The following HHAT variants were observed in gnomAD, a reference collection of about 807,000 sequenced individuals.
The protein encoded by HHAT is hedgehog acyltransferase.
HHAT carries 47 observed loss-of-function variants against 70.8 expected under a neutral mutation model. That is an observed-to-expected ratio of 0.66 (90% confidence interval 0.53 to 0.85). The LOEUF (loss-of-function observed/expected upper bound fraction) is 0.85, where lower values mean the gene tolerates loss of function less well. HHAT is among the 40% of genes least tolerant of loss of function. The pLI, the probability that HHAT is intolerant of heterozygous loss-of-function variation, is 0.00. For synonymous variants in HHAT, 228 were observed against 247.6 expected, an observed-to-expected ratio of 0.92 and a Z score of 0.74; for missense variants, 609 against 604.8, an observed-to-expected ratio of 1.01 and a Z score of -0.07.
intron 10 of HHAT, among the ~76,000 whole-genome samples, chr1:210,612,035 A>G (rs963611528): frequency 1.3e-5 from 2 of 151,938 alleles, no homozygotes; most frequent in Non-Finnish European, 2.9e-5. Flanking sequence ...AGCTTCTTAG[A>G]ATGTATTTAG....
chr1:210,671,042 G>A (rs1486511598), intron 11 of HHAT, among the ~76,000 whole-genome samples: 1 of 152,106 alleles, frequency 6.6e-6, no homozygotes, highest in Non-Finnish European at 1.5e-5. Context: ...CTCACCTCTG[G>A]GCAGTCTTGG....
intron 10 of HHAT, among the ~76,000 whole-genome samples, chr1:210,614,873 C>A (rs768591232): frequency 2.0e-5 from 3 of 152,148 alleles, no homozygotes; most frequent in African/African-American, 7.2e-5. Context: ...AATAAACATA[C>A]GTGTGCATGT....
intron 7 of HHAT, among the ~76,000 whole-genome samples, chr1:210,447,163 T>C (rs368166825): frequency 5.9e-5 from 9 of 152,312 alleles, no homozygotes; most frequent in East Asian, 5.8e-4. Context: ...CCACTTATCA[T>C]CTCTGAATCT....
chr1:210,674,024 A>G (rs1680719806), intron 11 of HHAT, among the ~76,000 whole-genome samples: 1 of 149,976 alleles, frequency 6.7e-6, no homozygotes, highest in African/African-American at 2.5e-5. Flanking sequence ...TTAGTTACAT[A>G]TGTATACATG....
chr1:210,457,961 A>G (rs533965357), intron 7 of HHAT, among the ~76,000 whole-genome samples: 4 of 152,322 alleles, frequency 2.6e-5, no homozygotes, highest in African/African-American at 9.6e-5. Context: ...AAAGACCTGT[A>G]AGGTAATGAG....
chr1:210,636,913 G>C (rs773994741), intron 11 of HHAT, among the ~76,000 whole-genome samples: 3 of 152,198 alleles, frequency 2.0e-5, no homozygotes, highest in Non-Finnish European at 4.4e-5. Flanking sequence ...TACAGAGACA[G>C]TGTAGGATGG....
chr1:210,474,816 T>A (rs1248677726), intron 8 of HHAT, among the ~76,000 whole-genome samples: 4 of 145,608 alleles, frequency 2.7e-5, no homozygotes, highest in African/African-American at 1.0e-4. Context: ...TGGCCTCACC[T>A]CAGGTGTTTT....
At chr1:210,622,136 A>C (rs557916656) in intron 10 of HHAT, among the ~76,000 whole-genome samples, 65 of 152,260 alleles carry the variant, frequency 4.3e-4, no homozygotes, top group African/African-American at 1.5e-3. Flanking sequence ...TCGCCCTCCA[A>C]TTTAGTCCTT....
intron 7 of HHAT, among the ~76,000 whole-genome samples, chr1:210,422,763 A>G (rs1480596988): frequency 6.6e-6 from 1 of 152,026 alleles, no homozygotes; most frequent in African/African-American, 2.4e-5. Context: ...CAGCCTCCTG[A>G]GTAGCTGGGA....
At chr1:210,613,899 G>C (rs1435633833) in intron 10 of HHAT, among the ~76,000 whole-genome samples, 1 of 151,272 alleles carries the variant, frequency 6.6e-6, no homozygotes. Flanking sequence ...CCACACCTGT[G>C]GTCCCAGCTT....
At chr1:210,624,546 T>G (rs754743838) in intron 11 of HHAT, among the ~76,000 whole-genome samples, 51 of 152,150 alleles carry the variant, frequency 3.4e-4, no homozygotes, top group Non-Finnish European at 5.9e-4. Flanking sequence ...CAGCTCTTGG[T>G]TGTGGGTATT....
chr1:210,338,302 T>C (rs2085696152), intron 1 of HHAT, among the ~76,000 whole-genome samples: 1 of 152,152 alleles, frequency 6.6e-6, no homozygotes. Context: ...ATTGTGCCAC[T>C]GCATTCCAGC....
intron 11 of HHAT, among the ~76,000 whole-genome samples, chr1:210,655,701 G>A (rs539230297): frequency 2.0e-5 from 3 of 152,300 alleles, no homozygotes; most frequent in Middle Eastern, 3.4e-3. Context: ...CACTTTATAC[G>A]TCAGGTAAAT....
At chr1:210,663,471 G>A (rs1213156396) in intron 11 of HHAT, among the ~76,000 whole-genome samples, 1 of 152,208 alleles carries the variant, frequency 6.6e-6, no homozygotes, top group African/African-American at 2.4e-5. Context: ...TGTCCAATGA[G>A]CGTTTAGACC....
intron 9 of HHAT, among the ~76,000 whole-genome samples, chr1:210,556,173 C>T (rs1287376885): frequency 2.6e-5 from 4 of 152,022 alleles, no homozygotes; most frequent in South Asian, 2.1e-4. Flanking sequence ...ACATGGAGGG[C>T]GTGTAAATTG....
chr1:210,464,662 C>A lies in HHAT; in HGVS notation c.1007+7C>A. 1.9e-6 allele frequency: 3 copies of A among 1,614,018 alleles called. No homozygotes were observed. The highest frequency in any genetic ancestry group is 1.1e-5 in the South Asian group (1 of 91,066). ...GTTTCACCGGGATGTGGAGGTCAGG[C>A]GCTGGGATTGCTAAAGTTGGTCAGG... On this transcript the variant is annotated splice_region_variant and intron_variant, in intron 8 of 11. Transcript: ENST00000261458.
intron 7 of HHAT, among the ~76,000 whole-genome samples, chr1:210,440,324 G>A (rs1419555014): frequency 1.3e-5 from 2 of 151,702 alleles, no homozygotes; most frequent in East Asian, 1.9e-4. Flanking sequence ...CAACTGTGAC[G>A]CAGTCTTCAT....
At chr1:210,512,287 CAAGGTTGACCCT>C (rs1270565362) in intron 8 of HHAT, among the ~76,000 whole-genome samples, 3 of 152,064 alleles carry the variant, frequency 2.0e-5, no homozygotes, top group Admixed American at 6.6e-5. Flanking sequence ...CTTGGAAGGC[CAAGGTTGACCCT>C]CCACTCACTG....
At chr1:210,357,970 A>G (rs909498676) in intron 2 of HHAT, among the ~76,000 whole-genome samples, 1 of 151,988 alleles carries the variant, frequency 6.6e-6, no homozygotes, top group African/African-American at 2.4e-5. Flanking sequence ...CATGAACCTA[A>G]GAAAGTTGGA....
Sources: allele counts gnomAD v4.1 joint callset (sites outside exome capture counted in the v4.1 genomes callset), GRCh38; gene constraint gnomAD v4.1.1; transcripts MANE v1.5; gene names NCBI Gene and HGNC (gene_info 2026-07-23, HGNC 2026-07-21).